The following GAS2 variants were observed in gnomAD, a reference collection of about 807,000 sequenced individuals.
GAS2 encodes growth arrest-specific protein 2.
A neutral mutation model predicts 37.5 loss-of-function variants in GAS2; 20 were observed. The observed-to-expected ratio is 0.53, with a 90% CI of 0.37 to 0.77. The LOEUF (loss-of-function observed/expected upper bound fraction) is 0.77. Ranked by LOEUF, GAS2 falls within the 30% of genes least tolerant of loss-of-function variation. The pLI is 0.00. For missense variants in GAS2, 336 were observed against 373.4 expected (o/e 0.90, Z 0.82); for synonymous variants, 144 against 132.2 (o/e 1.09, Z -0.61).
intron 7 of GAS2, among the ~76,000 whole-genome samples, chr11:22,763,616 T>TACACACACACAC (rs34715661): frequency 9.7e-5 from 14 of 143,900 alleles, no homozygotes; most frequent in East Asian, 8.2e-4. Context: ...AAAATACACA[T>TACACACACACAC]ACACACACAC....
rs570357425 is a variant in GAS2, at chr11:22,670,542, T to C, written c.-21+3643T>C. 2.1e-3 allele frequency among the ~76,000 whole-genome samples: 325 copies of C among 152,278 alleles called. 2 individuals are homozygous for C. Among genetic ancestry groups the C allele is most frequent in the Admixed American group, 5.5e-3 (84 of 15,298 alleles). On this transcript the variant is annotated intron_variant, in intron 1 of 7. Coordinates refer to ENST00000454584, the MANE Select transcript of GAS2 (RefSeq NM_001143830.3). ...AAAATATTCCTATTTTGTCACAGAA[T>C]TGCTTTCCGTTTTGGGATAGGTCAA...
intron 5 of GAS2, among the ~76,000 whole-genome samples, chr11:22,739,371 G>A (rs1852929251): frequency 2.0e-5 from 3 of 151,816 alleles, no homozygotes; most frequent in African/African-American, 7.3e-5. Context: ...TCAGGAGATC[G>A]AGACCATCCT....
At chr11:22,634,572 T>C (rs943142587) in intron 1 of GAS2, among the ~76,000 whole-genome samples, 1 of 152,082 alleles carries the variant, frequency 6.6e-6, no homozygotes, top group African/African-American at 2.4e-5. Flanking sequence ...CACGGGGTGC[T>C]CCCTTGATGT....
chr11:22,802,133 T>C (rs182921051), intron 7 of GAS2, among the ~76,000 whole-genome samples: 26 of 152,206 alleles, frequency 1.7e-4, no homozygotes, highest in African/African-American at 5.8e-4. Flanking sequence ...AGTATGCTTA[T>C]AGAGCTTCAT....
chr11:22,698,355 T>G (rs532624069), intron 3 of GAS2, among the ~76,000 whole-genome samples: 57 of 151,934 alleles, frequency 3.8e-4, no homozygotes, highest in Admixed American at 2.0e-4. Context: ...AATAACAGGC[T>G]CTGAAATTGT....
chr11:22,781,678 T>G (rs1010958838), intron 7 of GAS2, among the ~76,000 whole-genome samples: 1 of 152,182 alleles, frequency 6.6e-6, no homozygotes, highest in African/African-American at 2.4e-5. Context: ...GAGCTAAAGA[T>G]AATGTGGGTA....
chr11:22,799,929 AG>A (rs1160351452), intron 7 of GAS2, among the ~76,000 whole-genome samples: 1 of 152,080 alleles, frequency 6.6e-6, no homozygotes, highest in East Asian at 1.9e-4. Context: ...GAATGATCAA[AG>A]GAAGGGATTC....
intron 5 of GAS2, among the ~76,000 whole-genome samples, chr11:22,739,929 TA>T (rs1174124588): frequency 6.6e-6 from 1 of 151,984 alleles, no homozygotes; most frequent in African/African-American, 2.4e-5. Flanking sequence ...TTTAAGTTTA[TA>T]GCATTTGCCT....
Position 22,744,009 on chromosome 11 carries a change from A to G in GAS2, c.474-5111A>G, listed in dbSNP as rs528943558. ...AAAAGATCCTCAGAGACTATTATGA[A>G]CACCCTAGGTACACAAACTAGAAAC... On this transcript the variant is annotated intron_variant, in intron 5 of 7. Coordinates refer to ENST00000454584, the MANE Select transcript of GAS2 (RefSeq NM_001143830.3). 2.6e-5 allele frequency among the ~76,000 whole-genome samples: 4 copies of G among 152,260 alleles called. No homozygotes were observed. The East Asian group carries it at 7.7e-4, about 29-fold the overall frequency.
chr11:22,728,758 C>T (rs1375257458), intron 4 of GAS2, among the ~76,000 whole-genome samples: 3 of 151,682 alleles, frequency 2.0e-5, no homozygotes, highest in Non-Finnish European at 4.4e-5. Context: ...AATATTATGG[C>T]ATTGACTTTA....
At chr11:22,685,038 G>A (rs941792748) in intron 2 of GAS2, among the ~76,000 whole-genome samples, 17 of 152,068 alleles carry the variant, frequency 1.1e-4, no homozygotes, top group Non-Finnish European at 1.3e-4. Flanking sequence ...TAGATTACAT[G>A]ACTGTAATCC....
chr11:22,710,495 GTGTGTGTC>G (rs964429993), intron 3 of GAS2, among the ~76,000 whole-genome samples: 50 of 136,142 alleles, frequency 3.7e-4, no homozygotes, highest in Non-Finnish European at 5.1e-4. Context: ...ATATGTGTGT[GTGTGTGTC>G]TGTGTGTGTC....
intron 5 of GAS2, among the ~76,000 whole-genome samples, chr11:22,747,438 A>C (rs905409193): frequency 6.6e-6 from 1 of 152,174 alleles, no homozygotes; most frequent in Non-Finnish European, 1.5e-5. Context: ...AGTAAACATT[A>C]ATCTGTGAAC....
chr11:22,635,236 G>A (rs2133809451), intron 1 of GAS2, among the ~76,000 whole-genome samples: 1 of 151,744 alleles, frequency 6.6e-6, no homozygotes, highest in Non-Finnish European at 1.5e-5. Context: ...GTGGTGGCTG[G>A]ATCAATCAAG....
intron 1 of GAS2, among the ~76,000 whole-genome samples, chr11:22,659,901 GAA>G: frequency 2.4e-5 from 3 of 126,196 alleles, no homozygotes; most frequent in Non-Finnish European, 5.1e-5. Flanking sequence ...AGGGAGGGAG[GAA>G]GGGAGGGAGG....
At chr11:22,749,003 G>A in intron 5 of GAS2, 117 bp from the exon 6 acceptor site, 1 of 1,042,330 alleles carries the variant, frequency 9.6e-7, no homozygotes, top group Non-Finnish European at 1.4e-6. Flanking sequence ...GAAAAAAAGT[G>A]AATGTTATTT....
intron 4 of GAS2, among the ~76,000 whole-genome samples, chr11:22,727,870 G>A (rs1456824376): frequency 6.6e-6 from 1 of 151,944 alleles, no homozygotes; most frequent in Non-Finnish European, 1.5e-5. Flanking sequence ...TAGGAAGGGG[G>A]TGTAAAAGAA....
At chr11:22,776,424 A>G (rs1255981470) in intron 7 of GAS2, among the ~76,000 whole-genome samples, 2 of 152,198 alleles carry the variant, frequency 1.3e-5, no homozygotes, top group African/African-American at 4.8e-5. Flanking sequence ...CTAAATAAGG[A>G]AGTTCATCTT....
intron 1 of GAS2, among the ~76,000 whole-genome samples, chr11:22,641,302 C>A (rs1034546009): frequency 8.9e-4 from 9 of 10,136 alleles, no homozygotes; most frequent in Middle Eastern, 0.045. Flanking sequence ...ATATATATAT[C>A]TTTATATATA....
Sources: gnomAD v4.1 joint callset for allele counts (sites outside exome capture counted in the v4.1 genomes callset) on GRCh38, gnomAD v4.1.1 for gene constraint, MANE v1.5 for transcripts, NCBI Gene and HGNC (gene_info 2026-07-23, HGNC 2026-07-21) for gene names.